Variants in KCNK10 observed in about 807,000 individuals in gnomAD.
KCNK10 encodes the protein potassium channel subfamily K member 10.
KCNK10 carries 25 observed loss-of-function variants against 47.7 expected under a neutral mutation model. The observed-to-expected ratio is 0.52, with a 90% CI of 0.38 to 0.73. KCNK10 has a LOEUF of 0.73. Ranked by LOEUF, KCNK10 falls within the 30% of genes least tolerant of loss-of-function variation. The probability of loss-of-function intolerance (pLI) is 0.00; values close to 1 mark genes in which losing one functional copy is unlikely to be tolerated. For synonymous variants in KCNK10, 303 were observed against 285.6 expected (o/e 1.06, Z -0.61); for missense variants, 563 against 714.5 (o/e 0.79, Z 2.42).
chr14:88,255,663 G>C (rs756620682), intron 2 of KCNK10, among the ~76,000 whole-genome samples: 2 of 152,148 alleles, frequency 1.3e-5, no homozygotes, highest in Non-Finnish European at 2.9e-5. Flanking sequence ...AAGCACCGAA[G>C]AGAGGCAGGG....
intron 1 of KCNK10, among the ~76,000 whole-genome samples, chr14:88,305,214 G>A (rs1888182320): frequency 6.6e-6 from 1 of 151,718 alleles, no homozygotes; most frequent in Non-Finnish European, 1.5e-5. Flanking sequence ...AAAAAAAGAA[G>A]AAGAAGAAGA....
intron 2 of KCNK10, among the ~76,000 whole-genome samples, chr14:88,242,957 C>T (rs1433876352): frequency 1.3e-5 from 2 of 152,166 alleles, no homozygotes; most frequent in Non-Finnish European, 2.9e-5. Flanking sequence ...AGAGGTTAGG[C>T]TCACTCAAGT....
chr14:88,235,694 A>C (rs551871787), intron 3 of KCNK10, among the ~76,000 whole-genome samples: 1 of 152,320 alleles, frequency 6.6e-6, no homozygotes, highest in East Asian at 1.9e-4. Context: ...ACTAGATTTT[A>C]AGAGTTAAAA....
chr14:88,285,270 C>T (rs1887736029), intron 1 of KCNK10, among the ~76,000 whole-genome samples: 1 of 152,178 alleles, frequency 6.6e-6, no homozygotes, highest in Admixed American at 6.5e-5. Flanking sequence ...CACCACCATG[C>T]CTGGCTAATT....
At chr14:88,281,655 T>C (rs1048847477) in intron 1 of KCNK10, among the ~76,000 whole-genome samples, 5 of 151,892 alleles carry the variant, frequency 3.3e-5, no homozygotes, top group African/African-American at 1.2e-4. Context: ...CTGACTCACC[T>C]GCAGATCTTG....
At chr14:88,262,212 T>C (rs1887130462) in intron 2 of KCNK10, among the ~76,000 whole-genome samples, 1 of 151,960 alleles carries the variant, frequency 6.6e-6, no homozygotes, top group African/African-American at 2.4e-5. Context: ...AAGATGAGAC[T>C]CTCCCTCACC....
rs1278113227 is a variant in KCNK10 at position 88,323,022 on chromosome 14, G to A, written c.-224C>T. 2.9e-6 allele frequency: 4 copies of A among 1,356,530 alleles called. No homozygotes were observed. The African/African-American group carries it at 5.9e-5, about 20-fold the overall frequency. The allele number at this position is 1,356,530 out of a possible 1,614,324, so 84.0% of individuals were successfully genotyped here. On this transcript the variant is annotated 5_prime_UTR_variant, in exon 1 of 7. Transcript: ENST00000319231. Reference sequence around the variant, plus strand: ...GTTTGCACCGGCCAGGGGGTGGCCGGCCGCGGCCCCGTGGGTAAAAGAAAA... The same window carrying A: ...GTTTGCACCGGCCAGGGGGTGGCCGACCGCGGCCCCGTGGGTAAAAGAAAA...
At chr14:88,249,427 A>T (rs6575002) in intron 2 of KCNK10, among the ~76,000 whole-genome samples, 104,388 of 152,036 alleles carry the variant, frequency 0.69, 36,208 homozygotes, top group African/African-American at 0.79. Flanking sequence ...ATCACGACTC[A>T]CTGCAGTTGA....
Position 88,185,444 on chromosome 14 carries a change from A to T in KCNK10, c.*91T>A, listed in dbSNP as rs763594186. On this transcript the variant is annotated 3_prime_UTR_variant, in exon 7 of 7. Transcript: ENST00000319231. The surrounding 1 kb of genome is among the most constrained non-coding windows in gnomAD (Gnocchi z 4.3). Reference sequence around the variant, plus strand: ...AATGCTATGTAATTTTGGACTAAAAAGTCTGTTTAAGGCACATGTCTCAGT... The same window carrying T: ...AATGCTATGTAATTTTGGACTAAAATGTCTGTTTAAGGCACATGTCTCAGT... 9.1e-5 allele frequency: 136 copies of T among 1,502,074 alleles called. No homozygotes were observed. Among genetic ancestry groups the T allele is most frequent in the Non-Finnish European group, 1.2e-4 (132 of 1,122,420 alleles). The allele number at this position is 1,502,074 out of a possible 1,614,324, so 93.0% of individuals were successfully genotyped here.
chr14:88,185,942 C>T lies in KCNK10; in HGVS notation c.1225G>A (p.Asp409Asn). ...PEKRSVFAALDTGRFKASSQE... is the reference protein window; with the variant it reads ...PEKRSVFAALNTGRFKASSQE... ...GATGAGGCCTTGAAGCGGCCGGTGTCCAGGGCAGCAAAGACAGAGCGCTTC... is the reference window on the plus strand; with the variant it reads ...GATGAGGCCTTGAAGCGGCCGGTGTTCAGGGCAGCAAAGACAGAGCGCTTC... Residue 409 changes from aspartate to asparagine, a missense_variant, in exon 7 of 7, where the codon GAC becomes AAC. By Grantham distance (23) the Asp-to-Asn change is conservative. Transcript: ENST00000319231. This position sits in a 1 kb window ranked among gnomAD's most constrained non-coding sequence, Gnocchi z 4.3. 1 of 1,613,864 alleles carries T rather than the reference C, an allele frequency of 6.2e-7. No homozygotes were observed. Among genetic ancestry groups the T allele is most frequent in the Non-Finnish European group, 8.5e-7 (1 of 1,179,988 alleles).
chr14:88,210,917 G>A (rs1417500152), intron 4 of KCNK10, among the ~76,000 whole-genome samples: 1 of 151,704 alleles, frequency 6.6e-6, no homozygotes, highest in Non-Finnish European at 1.5e-5. Flanking sequence ...AATGTGAAAT[G>A]GTGCAGCCAC....
chr14:88,312,790 T>A (rs1888354702), intron 1 of KCNK10, among the ~76,000 whole-genome samples: 1 of 152,200 alleles, frequency 6.6e-6, no homozygotes, highest in South Asian at 2.1e-4. Flanking sequence ...AATAGACACT[T>A]CCAGTATTTG....
Position 88,287,309 on chromosome 14 carries a change from C to T in KCNK10, c.53-23758G>A, listed in dbSNP as rs182138760. 8.5e-5 allele frequency among the ~76,000 whole-genome samples: 13 copies of T among 152,280 alleles called. No individual in the cohort carries two copies. In the East Asian group the frequency reaches 2.5e-3, roughly 29 times the overall value. On this transcript the variant is annotated intron_variant, in intron 1 of 6. Coordinates refer to ENST00000319231, the MANE Select transcript of KCNK10 (RefSeq NM_138317.3). ...CCATCAATTATCATCAATTAGATTG[C>T]CACAAGTTCTTTTTTATTATTATTT...
intron 4 of KCNK10, among the ~76,000 whole-genome samples, chr14:88,218,090 C>A (rs796696570): frequency 3.9e-5 from 6 of 152,164 alleles, no homozygotes; most frequent in African/African-American, 1.4e-4. Flanking sequence ...AACTCCCGGG[C>A]TCAAGTAATC....
intron 2 of KCNK10, among the ~76,000 whole-genome samples, chr14:88,253,065 C>A (rs530005070): frequency 6.6e-6 from 1 of 152,288 alleles, no homozygotes; most frequent in South Asian, 2.1e-4. Flanking sequence ...TAGCTAGATG[C>A]AAGAACTTTA....
Position 88,263,464 on chromosome 14 carries a change from CG to C in KCNK10, c.139del (p.Arg47AlafsTer11). ...TGTGGCTCGGGAGGAAATGGACAGG[CG>C]CGGAGTTGGAGTCGGAGCCGGAGCC... is the stretch of plus-strand genomic sequence containing the variant. The part of the protein sequence containing the change: ...PPAPAPTPTP[R>X]LSISSRATVV... On this transcript the variant is annotated frameshift_variant, in exon 2 of 7. Coordinates refer to ENST00000319231, the MANE Select transcript of KCNK10 (RefSeq NM_138317.3). LOFTEE classifies it high-confidence loss of function. The C allele has an allele frequency of 6.2e-7, 1 of 1,614,060 alleles. No homozygotes were observed. The highest frequency in any genetic ancestry group is 8.5e-7 in the Non-Finnish European group (1 of 1,180,036).
chr14:88,217,345 T>C (rs561103154), intron 4 of KCNK10, among the ~76,000 whole-genome samples: 27 of 152,142 alleles, frequency 1.8e-4, no homozygotes, highest in Non-Finnish European at 2.6e-4. Context: ...AAGGCAGCCA[T>C]TTCTTAAACT....
chr14:88,222,178 T>A (rs912011778), intron 4 of KCNK10, among the ~76,000 whole-genome samples: 7 of 152,096 alleles, frequency 4.6e-5, no homozygotes, highest in African/African-American at 1.7e-4. Flanking sequence ...GATAAGCCTA[T>A]CAAATCTCGT....
intron 3 of KCNK10, among the ~76,000 whole-genome samples, chr14:88,228,697 A>C (rs1886064456): frequency 6.6e-6 from 1 of 152,190 alleles, no homozygotes; most frequent in Admixed American, 6.5e-5. Flanking sequence ...AGGCCTGCAG[A>C]ACTCACGGTT....
Sources: allele counts gnomAD v4.1 joint callset (sites outside exome capture counted in the v4.1 genomes callset), GRCh38; gene constraint gnomAD v4.1.1; non-coding constraint Gnocchi (gnomAD v3.1); transcripts MANE v1.5; gene names NCBI Gene and HGNC (gene_info 2026-07-23, HGNC 2026-07-21).